Variants in MAX observed in about 807,000 individuals in gnomAD.
MAX encodes the protein MYC associated transcriptional regulator X.
MAX carries 3 observed loss-of-function variants against 22.3 expected under a neutral mutation model. The observed-to-expected ratio is 0.13, with a 90% CI of 0.06 to 0.35. MAX has a LOEUF of 0.35. Ranked by LOEUF, MAX falls within the 10% of genes least tolerant of loss-of-function variation. The pLI, the probability that MAX is intolerant of heterozygous loss-of-function variation, is 1.00. For missense variants in MAX, 119 were observed against 209.4 expected, an observed-to-expected ratio of 0.57 and a Z score of 2.66; for synonymous variants, 72 against 77.7, an observed-to-expected ratio of 0.93 and a Z score of 0.39.
At chr14:65,096,985 T>C (rs2063693392) in intron 2 of MAX, among the ~76,000 whole-genome samples, 1 of 152,176 alleles carries the variant, frequency 6.6e-6, no homozygotes. Flanking sequence ...CAGAAAACCC[T>C]TCCTCCAGGG....
chr14:65,067,878 C>T (rs2062947655), intron 3 of MAX, among the ~76,000 whole-genome samples: 2 of 151,708 alleles, frequency 1.3e-5, no homozygotes, highest in Middle Eastern at 3.4e-3. Context: ...AGCAATCATC[C>T]TCCCTTGGCC....
chr14:65,081,977 C>T (rs1365818219), intron 3 of MAX: 2 of 152,182 alleles, frequency 1.3e-5, no homozygotes, highest in Non-Finnish European at 2.9e-5. Context: ...CACATAGCAA[C>T]ACAAGTGACA....
In MAX at chr14:65,078,187, C is replaced by CTTTA. The variant is rs1361698480; in HGVS notation, c.172-155_172-152dup. The stretch of plus-strand genomic sequence containing the variant: ...GAAATACAATAATGGCTACTGTAGG[C>CTTTA]TTTATTTATTTATTTATTTTTTTAT... On this transcript the variant is annotated intron_variant, in intron 3 of 4. Coordinates refer to ENST00000358664, the MANE Select transcript of MAX (RefSeq NM_002382.5). This position sits in a 1 kb window ranked among gnomAD's most constrained non-coding sequence, Gnocchi z 6.4. 8 of 752,198 alleles carry CTTTA rather than the reference C, an allele frequency of 1.1e-5. No homozygotes were observed. The highest frequency in any genetic ancestry group is 8.7e-5 in the South Asian group (5 of 57,684). The allele number at this position is 752,198 out of a possible 1,614,324, so 46.6% of individuals were successfully genotyped here. A position where few individuals can be genotyped will look rare whatever the true frequency, so the allele number is the denominator to read the frequency against.
intron 3 of MAX, among the ~76,000 whole-genome samples, chr14:65,058,335 G>T (rs1490426154): frequency 4.7e-5 from 7 of 149,014 alleles, no homozygotes; most frequent in African/African-American, 1.7e-4. Flanking sequence ...CTTATTTTCA[G>T]TTTTGTAACT....
chr14:65,075,583 A>G lies in MAX; in HGVS notation c.*893T>C. On this transcript the variant is annotated 3_prime_UTR_variant, in exon 5 of 5. Transcript: ENST00000358664. This position sits in a 1 kb window ranked among gnomAD's most constrained non-coding sequence, Gnocchi z 4.1. ...TACTTTATGAATCTGTCGCTTTGCA[A>G]GACCGACATCATCAGAAATAGGTAC... 9.4e-7 allele frequency: 1 copy of G among 1,066,310 alleles called. No individual in the cohort carries two copies. Among genetic ancestry groups the G allele is most frequent in the Non-Finnish European group, 1.1e-6 (1 of 879,658 alleles). The allele number at this position is 1,066,310 out of a possible 1,614,324, so 66.1% of individuals were successfully genotyped here.
In MAX at chr14:65,062,864, A is replaced by G. The variant is rs1483901317; in HGVS notation, c.171+30844T>C. On this transcript the variant is annotated intron_variant, in intron 3 of 3. Coordinates refer to the MAX transcript ENST00000341653. The surrounding 1 kb of genome is among the most constrained non-coding windows in gnomAD (Gnocchi z 4.3). ...AGAGAGTGGGAAGAGATGTTTTCCA[A>G]GCTCCCTGGGGTAATTCGGTATGCT... 1.3e-5 allele frequency among the ~76,000 whole-genome samples: 2 copies of G among 152,144 alleles called. No individual in the cohort carries two copies. The highest frequency in any genetic ancestry group is 1.3e-4 in the Admixed American group (2 of 15,282).
intron 3 of MAX, among the ~76,000 whole-genome samples, chr14:65,038,561 T>C (rs1233310332): frequency 6.7e-6 from 1 of 148,352 alleles, no homozygotes; most frequent in Non-Finnish European, 1.5e-5. Flanking sequence ...TTACTAAAAA[T>C]ACAAAAATTA....
In MAX at chr14:65,077,233, C is replaced by T; in HGVS notation, c.296-570G>A. On this transcript the variant is annotated intron_variant, in intron 4 of 4. Transcript: ENST00000358664. This position sits in a 1 kb window ranked among gnomAD's most constrained non-coding sequence, Gnocchi z 6.3. ...TGGCCCAGTAACCAACCCACTGACA[C>T]CACCCACTGCCCATCCCTTGGTTCA... 1.2e-6 allele frequency: 1 copy of T among 800,898 alleles called. No homozygotes were observed. Among genetic ancestry groups the T allele is most frequent in the Non-Finnish European group, 2.1e-6 (1 of 474,964 alleles). The allele number at this position is 800,898 out of a possible 1,614,324, so 49.6% of individuals were successfully genotyped here.
At chr14:65,091,414 A>G (rs1236361716) in intron 3 of MAX, among the ~76,000 whole-genome samples, 3 of 152,206 alleles carry the variant, frequency 2.0e-5, no homozygotes, top group Admixed American at 6.5e-5. Context: ...TGAAATTAGA[A>G]TGGTATCTAG....
chr14:65,076,792 G>T lies in MAX; in HGVS notation c.296-129C>A. 2 of 1,043,764 alleles carry T rather than the reference G, an allele frequency of 1.9e-6. No homozygotes were observed. Among genetic ancestry groups the T allele is most frequent in the East Asian group, 2.4e-5 (1 of 40,838 alleles). 64.7% of individuals were successfully genotyped at this position (1,043,764 alleles called of 1,614,324 possible). A position where few individuals can be genotyped will look rare whatever the true frequency, so the allele number is the denominator to read the frequency against. ...TGGCCCCCGAGGCTCAAGATGCTCA[G>T]AAGTAGCTCCCTTCGGGTGGCTGTT... On this transcript the variant is annotated intron_variant, in intron 4 of 4. Transcript: ENST00000358664. The surrounding 1 kb of genome is among the most constrained non-coding windows in gnomAD (Gnocchi z 6.6).
intron 3 of MAX, among the ~76,000 whole-genome samples, chr14:65,057,576 A>C (rs1252794359): frequency 6.6e-6 from 1 of 152,234 alleles, no homozygotes; most frequent in African/African-American, 2.4e-5. Flanking sequence ...AGACAAAAGG[A>C]GGCACACATT....
chr14:65,043,404 T>G (rs1423245222), intron 3 of MAX, among the ~76,000 whole-genome samples: 2 of 152,304 alleles, frequency 1.3e-5, no homozygotes, highest in East Asian at 3.9e-4. Context: ...TGGGCAGAGT[T>G]GTCATTTGGT....
At chr14:65,040,426 A>G (rs983877372) in intron 3 of MAX, among the ~76,000 whole-genome samples, 1 of 151,532 alleles carries the variant, frequency 6.6e-6, no homozygotes, top group Non-Finnish European at 1.5e-5. Flanking sequence ...GGTTTTTAAC[A>G]TTTTACAGTT....
chr14:65,075,769 C>T lies in MAX; in HGVS notation c.*707G>A. ...TGCTTCACTGCTGCCATCTCCCATA[C>T]ATACCACGAGAGTGTCACACGGCCC... On this transcript the variant is annotated 3_prime_UTR_variant, in exon 5 of 5. Coordinates refer to ENST00000358664, the MANE Select transcript of MAX (RefSeq NM_002382.5). This position sits in a 1 kb window ranked among gnomAD's most constrained non-coding sequence, Gnocchi z 4.1. 4.7e-6 allele frequency: 5 copies of T among 1,066,342 alleles called. No individual in the cohort carries two copies. The highest frequency in any genetic ancestry group is 5.7e-6 in the Non-Finnish European group (5 of 879,790). The allele number at this position is 1,066,342 out of a possible 1,614,324, so 66.1% of individuals were successfully genotyped here.
chr14:65,024,095 C>A (rs1303629501), intron 3 of MAX, among the ~76,000 whole-genome samples: 1 of 149,296 alleles, frequency 6.7e-6, no homozygotes, highest in African/African-American at 2.5e-5. Flanking sequence ...GAGGGACACT[C>A]CATCTCCTAA....
chr14:65,066,833 G>A (rs2062935067), intron 3 of MAX, among the ~76,000 whole-genome samples: 1 of 137,954 alleles, frequency 7.2e-6, no homozygotes, highest in Admixed American at 7.7e-5. Context: ...TTGCACTCCA[G>A]CCTTGGCAAC....
chr14:65,041,021 T>C, intron 3 of MAX: 1 of 1,526,512 alleles, frequency 6.6e-7, no homozygotes, highest in African/African-American at 1.4e-5. Context: ...TGGGAAGGGC[T>C]AAGAGAGTTA....
downstream of MAX, among the ~76,000 whole-genome samples, chr14:65,072,784 C>T (rs961574182): frequency 6.6e-6 from 1 of 152,194 alleles, no homozygotes; most frequent in Non-Finnish European, 1.5e-5. Context: ...AGGGAATGGG[C>T]AGAGCCTCAC....
At chr14:65,072,491 C>T (rs1374104686), downstream of MAX, among the ~76,000 whole-genome samples, 1 of 152,218 alleles carries the variant, frequency 6.6e-6, no homozygotes, top group Non-Finnish European at 1.5e-5. Flanking sequence ...CTCAGCTGTG[C>T]CTAACTTCCC....
Sources: gnomAD v4.1 joint callset for allele counts (sites outside exome capture counted in the v4.1 genomes callset) on GRCh38, gnomAD v4.1.1 for gene constraint, Gnocchi (gnomAD v3.1) non-coding constraint, MANE v1.5 for transcripts, NCBI Gene and HGNC (gene_info 2026-07-23, HGNC 2026-07-21) for gene names.